Variants in ABCA13 observed in about 807,000 individuals in gnomAD.
ABCA13 encodes the protein ATP-binding cassette sub-family A member 13.
In ABCA13, 476 loss-of-function variants were observed where a neutral mutation model predicts 478.7. That is an observed-to-expected ratio of 0.99 (90% confidence interval 0.92 to 1.07). The LOEUF (loss-of-function observed/expected upper bound fraction) is 1.07, where lower values mean the gene tolerates loss of function less well. ABCA13 is among the 50% of genes least tolerant of loss of function. The probability of loss-of-function intolerance (pLI) is 0.00; values close to 1 mark genes in which losing one functional copy is unlikely to be tolerated. For synonymous variants in ABCA13, 2,252 were observed against 2,158.9 expected (o/e 1.04, Z -1.20); for missense variants, 6,060 against 5,910.6 (o/e 1.03, Z -0.83).
At chr7:48,463,415 C>T (rs1826488137) in intron 43 of ABCA13, among the ~76,000 whole-genome samples, 2 of 152,202 alleles carry the variant, frequency 1.3e-5, no homozygotes, top group African/African-American at 4.8e-5. Context: ...TAGAAGGCAT[C>T]AGCTCCTTTA....
At chr7:48,570,252 A>G (rs1009463821) in intron 55 of ABCA13, among the ~76,000 whole-genome samples, 6 of 148,228 alleles carry the variant, frequency 4.0e-5, no homozygotes. Context: ...CTATTTTGTT[A>G]TATATTAGTA....
chr7:48,540,288 T>C (rs1288282765), intron 55 of ABCA13, among the ~76,000 whole-genome samples: 1 of 152,154 alleles, frequency 6.6e-6, no homozygotes, highest in African/African-American at 2.4e-5. Context: ...GAAGACTGAC[T>C]CTCTCCTTTG....
At chr7:48,544,762 G>T (rs1784665921) in intron 55 of ABCA13, among the ~76,000 whole-genome samples, 1 of 151,888 alleles carries the variant, frequency 6.6e-6, no homozygotes, top group Admixed American at 6.6e-5. Context: ...CAAGAAGAGG[G>T]TCATAGGATC....
chr7:48,204,474 G>A (rs1351788155), intron 3 of ABCA13, among the ~76,000 whole-genome samples: 3 of 152,152 alleles, frequency 2.0e-5, no homozygotes, highest in Non-Finnish European at 2.9e-5. Context: ...GCCTCCCAAA[G>A]TGCTGGGATT....
At chr7:48,243,411 A>T (rs1156735744) in intron 10 of ABCA13, among the ~76,000 whole-genome samples, 1 of 152,254 alleles carries the variant, frequency 6.6e-6, no homozygotes, top group African/African-American at 2.4e-5. Flanking sequence ...TTCATTCTGC[A>T]GATGGCCAAT....
intron 40 of ABCA13, among the ~76,000 whole-genome samples, 187 bp from the exon 41 acceptor site, chr7:48,412,166 A>G (rs1187004054): frequency 6.6e-6 from 1 of 152,070 alleles, no homozygotes; most frequent in East Asian, 1.9e-4. Flanking sequence ...GCAGATTTAT[A>G]TTTTTTAAAA....
At chr7:48,190,305 T>C (rs1796927453) in intron 1 of ABCA13, among the ~76,000 whole-genome samples, 1 of 152,198 alleles carries the variant, frequency 6.6e-6, no homozygotes, top group Non-Finnish European at 1.5e-5. Flanking sequence ...CTGGGATTCA[T>C]TGAACTGCAT....
At chr7:48,199,250 T>A (rs939805727) in intron 3 of ABCA13, among the ~76,000 whole-genome samples, 2 of 152,304 alleles carry the variant, frequency 1.3e-5, no homozygotes, top group African/African-American at 4.8e-5. Context: ...TAAATGGTGT[T>A]GTTTTAGTTC....
chr7:48,424,234 C>G (rs1276913402), intron 41 of ABCA13, among the ~76,000 whole-genome samples: 1 of 152,150 alleles, frequency 6.6e-6, no homozygotes, highest in African/African-American at 2.4e-5. Flanking sequence ...CTTTTATACT[C>G]TTAATAAGAA....
rs567920309 is a variant in ABCA13 at position 48,224,326 on chromosome 7, G to C, written c.469-2936G>C. Among the ~76,000 whole-genome samples the C allele has an allele frequency of 5.9e-5, 9 of 152,346 alleles. No individual in the cohort carries two copies. The East Asian group carries it at 1.4e-3, about 23-fold the overall frequency. On this transcript the variant is annotated intron_variant, in intron 5 of 61. Coordinates refer to ENST00000435803, the MANE Select transcript of ABCA13 (RefSeq NM_152701.5). ...CCAGACTCACATTGCCTGGGACTGAGAGTCCCTTGTTCCAGGAAACATCTC... is the reference window on the plus strand; with the variant it reads ...CCAGACTCACATTGCCTGGGACTGACAGTCCCTTGTTCCAGGAAACATCTC...
At chr7:48,239,911 G>A (rs1159244483) in intron 9 of ABCA13, among the ~76,000 whole-genome samples, 2 of 152,194 alleles carry the variant, frequency 1.3e-5, no homozygotes, top group Admixed American at 6.5e-5. Flanking sequence ...TGTTGGTGTG[G>A]GGCAGAGGGC....
intron 15 of ABCA13, among the ~76,000 whole-genome samples, chr7:48,257,991 G>A (rs1039720972): frequency 7.9e-5 from 12 of 151,912 alleles, no homozygotes; most frequent in South Asian, 6.2e-4. Context: ...TGATGCAGTC[G>A]AGGCTCACTG....
intron 5 of ABCA13, among the ~76,000 whole-genome samples, chr7:48,221,921 T>C (rs1787414755): frequency 1.3e-5 from 2 of 152,202 alleles, no homozygotes; most frequent in Non-Finnish European, 2.9e-5. Context: ...CCTGACAATA[T>C]TAAAAATTCT....
chr7:48,333,821 G>A (rs1419979741), intron 27 of ABCA13, among the ~76,000 whole-genome samples: 1 of 152,208 alleles, frequency 6.6e-6, no homozygotes, highest in Non-Finnish European at 1.5e-5. Context: ...GTTGCATCAG[G>A]AGCCATCCTG....
rs2129117863 is a variant in ABCA13 at position 48,420,097 on chromosome 7, G to A, written c.12459+7514G>A. 2.0e-5 allele frequency among the ~76,000 whole-genome samples: 3 copies of A among 152,270 alleles called. 1 individual carries two copies. In the South Asian group the frequency reaches 6.2e-4, roughly 32 times the overall value. ...TAGCATGGCTGTTGTAGCGCTGAGGGTGCTTTTCTCTTCCTTCATCTGCAT... is the reference window on the plus strand; with the variant it reads ...TAGCATGGCTGTTGTAGCGCTGAGGATGCTTTTCTCTTCCTTCATCTGCAT... On this transcript the variant is annotated intron_variant, in intron 41 of 61. Transcript: ENST00000435803.
intron 1 of ABCA13, among the ~76,000 whole-genome samples, chr7:48,190,371 A>G (rs1796938912): frequency 6.6e-6 from 1 of 152,196 alleles, no homozygotes; most frequent in East Asian, 1.9e-4. Flanking sequence ...TGTTATCTGT[A>G]ATCAACTATA....
At chr7:48,440,013 T>G (rs1372996465) in intron 42 of ABCA13, among the ~76,000 whole-genome samples, 1 of 152,168 alleles carries the variant, frequency 6.6e-6, no homozygotes, top group Non-Finnish European at 1.5e-5. Flanking sequence ...TGAGCCTCTC[T>G]TCATATTTAT....
Position 48,288,031 on chromosome 7 carries a change from A to G in ABCA13, c.8908A>G (p.Ile2970Val). 1 of 1,613,904 alleles carries G rather than the reference A, an allele frequency of 6.2e-7. No individual in the cohort carries two copies. The highest frequency in any genetic ancestry group is 8.5e-7 in the Non-Finnish European group (1 of 1,179,836). Residue 2970 changes from isoleucine (I) to valine (V), a missense_variant, in exon 20 of 62, where the codon ATT (isoleucine) becomes GTT (valine). By Grantham distance (29) the Ile-to-Val change is conservative. Transcript: ENST00000435803. ...SCKQNGIRHL[I>V]LSAIQGVTLA... ...CAAGCAAAATGGGATAAGGCATCTC[A>G]TTTTATCTGCTATACAAGGGGTCAC... is the stretch of plus-strand genomic sequence containing the variant.
At chr7:48,613,357 T>G (rs1002459288) in intron 58 of ABCA13, among the ~76,000 whole-genome samples, 22 of 152,064 alleles carry the variant, frequency 1.4e-4, no homozygotes, top group Admixed American at 3.3e-4. Context: ...CCTGGCTAAA[T>G]TTTTGTACTT....
Sources: allele counts gnomAD v4.1 joint callset (sites outside exome capture counted in the v4.1 genomes callset), GRCh38; gene constraint gnomAD v4.1.1; transcripts MANE v1.5; gene names NCBI Gene and HGNC (gene_info 2026-07-23, HGNC 2026-07-21).